Variants in MYO7B observed in about 807,000 individuals in gnomAD.
The protein encoded by MYO7B is unconventional myosin-VIIb.
A neutral mutation model predicts 259.7 loss-of-function variants in MYO7B; 212 were observed. That is an observed-to-expected ratio of 0.82 (90% CI 0.73 to 0.91). The LOEUF (loss-of-function observed/expected upper bound fraction) is 0.91. MYO7B is among the 40% of genes least tolerant of loss of function. The probability of loss-of-function intolerance (pLI) is 0.00; values close to 1 mark genes in which losing one functional copy is unlikely to be tolerated. For synonymous variants in MYO7B, 1,197 were observed against 1,166.4 expected (o/e 1.03, Z -0.54); for missense variants, 2,732 against 2,813.5 (o/e 0.97, Z 0.66).
intron 39 of MYO7B, among the ~76,000 whole-genome samples, chr2:127,632,838 C>T (rs562764561): frequency 9.2e-5 from 14 of 152,222 alleles, no homozygotes; most frequent in East Asian, 1.9e-4. Flanking sequence ...CTCCTGTGGC[C>T]GTGAGGAGGG....
At position 127,584,352 on chromosome 2, in the gene MYO7B, G is replaced by A. The variant is rs186033947; in HGVS notation, c.1554+20G>A. The stretch of plus-strand genomic sequence containing the variant: ...CCGCAGGTGTGTGTTCGGGCCTGCC[G>A]ACCTTCTGGTGGAGGCCCTGCTATG... On this transcript the variant is annotated intron_variant, in intron 13 of 47. Coordinates refer to ENST00000409816, the MANE Select transcript of MYO7B (RefSeq NM_001393586.1). This position sits in a 1 kb window ranked among gnomAD's most constrained non-coding sequence, Gnocchi z 5.8. 88 of 1,611,684 alleles carry A rather than the reference G, an allele frequency of 5.5e-5. No individual in the cohort carries two copies. The East Asian group carries it at 1.0e-3, about 19-fold the overall frequency.
Position 127,565,329 on chromosome 2 carries a change from A to C in MYO7B, c.229A>C (p.Asn77His). Residue 77 changes from asparagine (N) to histidine (H), a missense_variant, in exon 4 of 48, where the codon AAC becomes CAC. Asn to His is a moderately conservative substitution (Grantham distance 68). Around this residue, in one of 3 missense-constraint regions of MYO7B, gnomAD observed 1,906 missense variants for 2,026.4 expected, o/e 0.94. Transcript: ENST00000409816. ...VDDMIRLGDL[N>H]EAGMVHNLLI... ...CGACATGATCCGCCTGGGGGACCTG[A>C]ACGAGGCAGGCATGGTGCACAACCT... 6.2e-7 allele frequency: 1 copy of C among 1,614,046 alleles called. No individual in the cohort carries two copies. Among genetic ancestry groups the C allele is most frequent in the African/African-American group, 1.3e-5 (1 of 75,072 alleles).
chr2:127,576,682 C>T lies in MYO7B; in HGVS notation c.823C>T (p.Pro275Ser). 1 of 1,609,538 alleles carries T rather than the reference C, an allele frequency of 6.2e-7. No homozygotes were observed. Among genetic ancestry groups the T allele is most frequent in the Non-Finnish European group, 8.5e-7 (1 of 1,176,430 alleles). The change falls in exon 8 of 48, where the codon CCC becomes TCC. Residue 275 changes from proline (P) to serine (S), a missense_variant. By Grantham distance (74) the Pro-to-Ser change is moderately conservative. This residue lies in a region of MYO7B where 1,906 missense variants were observed against 2,026.4 expected (regional missense o/e 0.94). Transcript: ENST00000409816. The surrounding 1 kb of genome is among the most constrained non-coding windows in gnomAD (Gnocchi z 4.9). The stretch of plus-strand genomic sequence containing the variant: ...CAAGCAGCTGCTGAGCCTGGGCACG[C>T]CCTCCGAGTACCACTACCTGACCAT... Reference protein sequence around the residue: ...EDKQLLSLGTPSEYHYLTMGN... With the variant: ...EDKQLLSLGTSSEYHYLTMGN...
At position 127,583,983 on chromosome 2, in the gene MYO7B, G is replaced by C. The variant is rs1451644996; in HGVS notation, c.1344-139G>C. The C allele has an allele frequency of 1.2e-5, 9 of 722,772 alleles. No homozygotes were observed. In the African/African-American group the frequency reaches 1.4e-4, roughly 11 times the overall value. 44.8% of individuals were successfully genotyped at this position (722,772 alleles called of 1,614,324 possible). The stretch of plus-strand genomic sequence containing the variant: ...TGTGCAGGAATGAGTGTGCATCTCT[G>C]TGTACACGAGGTGTGCATCTGTGGG... On this transcript the variant is annotated intron_variant, in intron 12 of 47. Transcript: ENST00000409816.
chr2:127,619,822 C>CCCAACACA (rs1194604139), intron 26 of MYO7B, among the ~76,000 whole-genome samples: 3 of 152,036 alleles, frequency 2.0e-5, no homozygotes, highest in Non-Finnish European at 4.4e-5. Flanking sequence ...GAGAACCGCC[C>CCCAACACA]CCAACACACC....
intron 43 of MYO7B, 58 bp downstream of exon 43, chr2:127,635,284 T>A: frequency 1.3e-6 from 2 of 1,500,178 alleles, no homozygotes; most frequent in East Asian, 2.4e-5. Flanking sequence ...CCACACCTGT[T>A]CTGAGGCTGT....
intron 16 of MYO7B, among the ~76,000 whole-genome samples, chr2:127,591,668 G>A (rs1679565759): frequency 1.3e-5 from 2 of 152,210 alleles, no homozygotes; most frequent in African/African-American, 4.8e-5. Flanking sequence ...CCCTGCAGGT[G>A]GGGTAACAGT....
chr2:127,564,195 G>A lies in MYO7B; in HGVS notation c.61G>A (p.Gly21Ser), dbSNP rs2404991. The change falls in exon 3 of 48, where the codon GGC becomes AGC. Residue 21 changes from glycine to serine, a missense_variant. This residue lies in a region of MYO7B where 1,906 missense variants were observed against 2,026.4 expected (regional missense o/e 0.94). Transcript: ENST00000409816. ...GGAGCCTCCCTCCACCCACAAGACC[G>A]GCGTGGCCATCGGGGGCATCATCAA... ...WLEPPSTHKT[G>S]VAIGGIIKEA... 0.48 allele frequency: 754,680 copies of A among 1,573,984 alleles called. 186,952 individuals carry two copies. The highest frequency in any genetic ancestry group is 0.62 in the Admixed American group (33,103 of 53,470).
intron 26 of MYO7B, among the ~76,000 whole-genome samples, chr2:127,617,487 GTTTTT>G (rs35542480): frequency 8.3e-5 from 7 of 84,828 alleles, no homozygotes; most frequent in Admixed American, 1.4e-4. Flanking sequence ...TTGTAACGGG[GTTTTT>G]TTTTTTTTTT....
chr2:127,584,515 C>G lies in MYO7B; in HGVS notation c.1554+183C>G, dbSNP rs1679227324. Reference sequence around the variant, plus strand: ...TCCTCTCCAAGGCCCACTTCTCTGACTGCTGGGGTCCTCAGACAGTAGTTC... The same window carrying G: ...TCCTCTCCAAGGCCCACTTCTCTGAGTGCTGGGGTCCTCAGACAGTAGTTC... On this transcript the variant is annotated intron_variant, in intron 13 of 47. Transcript: ENST00000409816. This position sits in a 1 kb window ranked among gnomAD's most constrained non-coding sequence, Gnocchi z 5.8. Among the ~76,000 whole-genome samples, 1 of 152,202 alleles carries G rather than the reference C, an allele frequency of 6.6e-6. No homozygotes were observed.
At position 127,573,980 on chromosome 2, in the gene MYO7B, A is replaced by C; in HGVS notation, c.653A>C (p.Asp218Ala). Reference protein sequence around the residue: ...DNSSRFGKYIDIYFNPSGVIE... With the variant: ...DNSSRFGKYIAIYFNPSGVIE... ...TCAAGCCGCTTTGGGAAGTACATTG[A>C]CATCTACTTTAACCCCAGCGGGGTG... The change falls in exon 7 of 48, where the codon GAC (aspartate) becomes GCC (alanine). Residue 218 changes from aspartate (D) to alanine (A), a missense_variant. Transcript: ENST00000409816. 1 of 1,614,038 alleles carries C rather than the reference A, an allele frequency of 6.2e-7. No homozygotes were observed. Among genetic ancestry groups the C allele is most frequent in the Non-Finnish European group, 8.5e-7 (1 of 1,179,890 alleles).
rs1215885382 is a variant in MYO7B, at chr2:127,577,949, T to C, written c.850-184T>C. Among the ~76,000 whole-genome samples, 1 of 152,246 alleles carries C rather than the reference T, an allele frequency of 6.6e-6. No individual in the cohort carries two copies. Among genetic ancestry groups the C allele is most frequent in the Non-Finnish European group, 1.5e-5 (1 of 68,034 alleles). On this transcript the variant is annotated intron_variant, in intron 8 of 47. Transcript: ENST00000409816. This position sits in a 1 kb window ranked among gnomAD's most constrained non-coding sequence, Gnocchi z 5.2. ...CACAGTGGCCAAATGCTGGTGCTGG[T>C]GGCAAGGCCTGATCATGCTGTGGCT...
intron 14 of MYO7B, among the ~76,000 whole-genome samples, chr2:127,587,572 T>C (rs576205479): frequency 2.2e-3 from 326 of 148,104 alleles, no homozygotes; most frequent in Middle Eastern, 6.9e-3. Context: ...TTCTTTCTTT[T>C]TTTTTTTTTT....
intron 22 of MYO7B, 99 bp downstream of exon 22, chr2:127,608,977 GA>G: frequency 2.1e-6 from 3 of 1,450,354 alleles, no homozygotes; most frequent in Non-Finnish European, 2.8e-6. Flanking sequence ...TGAGAAGCCA[GA>G]GCGGTGGCCA....
chr2:127,566,310 C>A (rs150376799), intron 4 of MYO7B, among the ~76,000 whole-genome samples: 1 of 152,182 alleles, frequency 6.6e-6, no homozygotes, highest in Non-Finnish European at 1.5e-5. Flanking sequence ...AAAGCCCCTG[C>A]GGGATGCAGG....
intron 6 of MYO7B, 130 bp downstream of exon 6, chr2:127,570,040 A>C: frequency 3.4e-6 from 4 of 1,161,476 alleles, no homozygotes; most frequent in Non-Finnish European, 4.7e-6. Flanking sequence ...GGGACACAAA[A>C]CACAAGGGTG....
chr2:127,637,105 A>T, intron 47 of MYO7B, 192 bp downstream of exon 47: 2 of 1,094,334 alleles, frequency 1.8e-6, no homozygotes, highest in Non-Finnish European at 2.7e-6. Context: ...GCCAGGCGGG[A>T]CCCCCTGCGC....
chr2:127,606,940 G>A (rs1396011641), intron 20 of MYO7B, among the ~76,000 whole-genome samples: 2 of 152,136 alleles, frequency 1.3e-5, no homozygotes, highest in East Asian at 3.9e-4. Flanking sequence ...CTCCATCCAC[G>A]GCCCCAAGGA....
intron 39 of MYO7B, 34 bp downstream of exon 39, chr2:127,632,435 C>T (rs1162551740): frequency 6.7e-7 from 1 of 1,500,488 alleles, no homozygotes; most frequent in South Asian, 1.3e-5. Flanking sequence ...CAGCATTGGC[C>T]CTGGGCCCGC....
Sources: gnomAD v4.1 joint callset for allele counts (sites outside exome capture counted in the v4.1 genomes callset) on GRCh38, gnomAD v4.1.1 for gene constraint, gnomAD v4.1.1 regional missense constraint, Gnocchi (gnomAD v3.1) non-coding constraint, MANE v1.5 for transcripts, NCBI Gene and HGNC (gene_info 2026-07-23, HGNC 2026-07-21) for gene names.